The following UBR1 variants were observed in gnomAD, a reference collection of about 807,000 sequenced individuals.
UBR1 encodes ubiquitin protein ligase E3 component n-recognin 1.
Under a neutral mutation model 242.1 loss-of-function variants are expected in UBR1, and 102 were observed. The observed-to-expected ratio is 0.42, with a 90% CI of 0.36 to 0.50. The LOEUF (loss-of-function observed/expected upper bound fraction) is 0.50, where lower values mean the gene tolerates loss of function less well. Ranked by LOEUF, UBR1 falls within the 20% of genes least tolerant of loss-of-function variation. The pLI, the probability that UBR1 is intolerant of heterozygous loss-of-function variation, is 0.01. For missense variants in UBR1, 1,772 were observed against 2,101.8 expected, an observed-to-expected ratio of 0.84 and a Z score of 3.07; for synonymous variants, 675 against 684.8, an observed-to-expected ratio of 0.99 and a Z score of 0.22.
intron 2 of UBR1, among the ~76,000 whole-genome samples, chr15:43,084,766 T>C (rs1223154772): frequency 6.6e-6 from 1 of 152,116 alleles, no homozygotes; most frequent in Non-Finnish European, 1.5e-5. Context: ...CTATTTTTTT[T>C]CCCCTGAGAA....
In UBR1 at chr15:43,004,049, T is replaced by C. The variant is rs138451085; in HGVS notation, c.3416-119A>G. On this transcript the variant is annotated intron_variant, in intron 30 of 46. Transcript: ENST00000290650. ...GTCACAATATCATGATAGGAGGATA[T>C]ATAGTAACAAAAAGAGAAAAGTAAT... 77 of 844,778 alleles carry C rather than the reference T, an allele frequency of 9.1e-5. No individual in the cohort carries two copies. In the African/African-American group the frequency reaches 1.1e-3, roughly 12 times the overall value. The allele number at this position is 844,778 out of a possible 1,614,324, so 52.3% of individuals were successfully genotyped here. A position where few individuals can be genotyped will look rare whatever the true frequency, so the allele number is the denominator to read the frequency against.
At chr15:43,020,606 C>T (rs1380538097) in intron 27 of UBR1, among the ~76,000 whole-genome samples, 6 of 152,308 alleles carry the variant, frequency 3.9e-5, no homozygotes, top group Admixed American at 3.9e-4. Context: ...CACTTAAAAT[C>T]CTCCAATATT....
intron 20 of UBR1, among the ~76,000 whole-genome samples, chr15:43,031,267 AAAC>A (rs2033253628): frequency 6.6e-6 from 1 of 152,194 alleles, no homozygotes; most frequent in African/African-American, 2.4e-5. Context: ...AAGAAAAAAA[AAAC>A]AATAAATTTG....
intron 35 of UBR1, among the ~76,000 whole-genome samples, chr15:42,986,358 T>C (rs2032459378): frequency 6.6e-6 from 1 of 152,204 alleles, no homozygotes. Context: ...GGAATCCAAT[T>C]ACTAGATTAT....
chr15:43,059,856 A>T (rs1227023789), intron 7 of UBR1, 31 bp from the exon 8 acceptor site: 3 of 1,613,014 alleles, frequency 1.9e-6, no homozygotes, highest in Admixed American at 3.3e-5. Flanking sequence ...CCAAAAAAAT[A>T]GCATTTAAAA....
chr15:43,023,278 G>C (rs748757700), intron 25 of UBR1, among the ~76,000 whole-genome samples: 11 of 152,142 alleles, frequency 7.2e-5, no homozygotes, highest in Non-Finnish European at 1.5e-4. Flanking sequence ...AAAGAGAAAT[G>C]ATGAATACAC....
At chr15:42,962,105 CTCTT>C (rs1180555583) in intron 42 of UBR1, among the ~76,000 whole-genome samples, 4 of 131,674 alleles carry the variant, frequency 3.0e-5, no homozygotes, top group Admixed American at 8.4e-5. Context: ...TTTCTTTCCT[CTCTT>C]TCTTTGTTGT....
At chr15:43,013,821 C>T (rs1358561582) in intron 29 of UBR1, among the ~76,000 whole-genome samples, 1 of 152,206 alleles carries the variant, frequency 6.6e-6, no homozygotes, top group African/African-American at 2.4e-5. Flanking sequence ...TTTAAAGTGA[C>T]TATTTAACTT....
At chr15:42,959,719 CT>C (rs1473098138) in intron 43 of UBR1, among the ~76,000 whole-genome samples, 100 of 152,316 alleles carry the variant, frequency 6.6e-4, no homozygotes, top group Middle Eastern at 6.8e-3. Context: ...AAGATCTTTT[CT>C]TAGTGATGTG....
chr15:42,987,767 GA>G (rs989368517), intron 35 of UBR1, among the ~76,000 whole-genome samples: 1 of 141,240 alleles, frequency 7.1e-6, no homozygotes, highest in African/African-American at 2.6e-5. Context: ...TTCAAATTAT[GA>G]AATATAAGTG....
chr15:42,960,631 G>T lies in UBR1; in HGVS notation c.4757+14C>A. 6.2e-7 allele frequency: 1 copy of T among 1,613,588 alleles called. No individual in the cohort carries two copies. The highest frequency in any genetic ancestry group is 1.1e-5 in the South Asian group (1 of 91,058). ...TTGTGGATGAGGGAGAAAGGATTAA[G>T]TAGTAAAACCAACCTGACCACGGTG... On this transcript the variant is annotated intron_variant, in intron 43 of 46. Transcript: ENST00000290650.
chr15:42,969,482 T>C (rs1315912080), intron 40 of UBR1, among the ~76,000 whole-genome samples: 1 of 152,226 alleles, frequency 6.6e-6, no homozygotes, highest in Non-Finnish European at 1.5e-5. Flanking sequence ...TTCACTCTGA[T>C]GATAGTTTCT....
At chr15:42,973,102 T>C (rs1332773311) in intron 39 of UBR1, among the ~76,000 whole-genome samples, 1 of 152,212 alleles carries the variant, frequency 6.6e-6, no homozygotes, top group Non-Finnish European at 1.5e-5. Flanking sequence ...ATATAGATGT[T>C]GAACATTATG....
intron 1 of UBR1, chr15:43,092,183 TC>T (rs763913822): frequency 1.8e-4 from 56 of 309,916 alleles, no homozygotes; most frequent in Non-Finnish European, 3.1e-4. Context: ...TAGCTCTCTG[TC>T]CCTCCACCCC....
At chr15:43,032,492 C>G (rs940076704) in intron 20 of UBR1, 76 bp downstream of exon 20, 14 of 998,544 alleles carry the variant, frequency 1.4e-5, no homozygotes, top group Admixed American at 3.9e-5. Context: ...GTAAAATGAT[C>G]AATTATAGTT....
At chr15:42,999,871 G>A (rs571981391) in intron 32 of UBR1, among the ~76,000 whole-genome samples, 1 of 151,758 alleles carries the variant, frequency 6.6e-6, no homozygotes, top group South Asian at 2.1e-4. Context: ...AAATAAAATA[G>A]GAATCTTTTT....
chr15:42,961,772 T>G (rs1406950207), intron 42 of UBR1, among the ~76,000 whole-genome samples: 1 of 151,606 alleles, frequency 6.6e-6, no homozygotes, highest in Non-Finnish European at 1.5e-5. Context: ...TTTTTGTTTT[T>G]GAGATGGAGT....
intron 1 of UBR1, among the ~76,000 whole-genome samples, chr15:43,091,574 A>G (rs1232030828): frequency 6.6e-6 from 1 of 152,130 alleles, no homozygotes; most frequent in Admixed American, 6.6e-5. Context: ...ACTACCGAAC[A>G]CTACTGAAGG....
intron 29 of UBR1, among the ~76,000 whole-genome samples, chr15:43,014,547 T>C (rs927974035): frequency 1.5e-4 from 21 of 143,746 alleles, no homozygotes; most frequent in Non-Finnish European, 2.7e-4. Context: ...CCGTCTGGGA[T>C]GTGAGTGCCT....
Sources: allele counts gnomAD v4.1 joint callset (sites outside exome capture counted in the v4.1 genomes callset), GRCh38; gene constraint gnomAD v4.1.1; transcripts MANE v1.5; gene names NCBI Gene and HGNC (gene_info 2026-07-23, HGNC 2026-07-21).